EDDM13: variants seen among roughly 807,000 people sequenced by gnomAD.
EDDM13 encodes epididymal protein 13.
EDDM13 carries 24 observed loss-of-function variants against 17.8 expected under a neutral mutation model. The ratio of observed to expected loss-of-function variants is 1.35; its 90% CI spans 0.98 to 1.90. The LOEUF is 1.90. Among genes scored for constraint, EDDM13 ranks in the 40% most tolerant of loss-of-function variants. The probability of loss-of-function intolerance (pLI) is 0.00; values close to 1 mark genes in which losing one functional copy is unlikely to be tolerated. For missense variants in EDDM13, 97 were observed against 100.8 expected (o/e 0.96, Z 0.16); for synonymous variants, 31 against 37.5 (o/e 0.83, Z 0.63).
At chr19:56,285,057 TCTTTCTCTTGTCCGCAAGGTAATG>T in intron 6 of EDDM13, 33 bp downstream of exon 6, 1 of 981,214 alleles carries the variant, frequency 1.0e-6, no homozygotes, top group Non-Finnish European at 1.2e-6. Context: ...TTAAACCTGG[TCTTTCTCTTGTCCGCAAGGTAATG>T]TAGACTTATT....
intron 9 of EDDM13, among the ~76,000 whole-genome samples, chr19:56,291,426 C>G (rs913427843): frequency 5.3e-5 from 8 of 152,204 alleles, no homozygotes; most frequent in African/African-American, 1.9e-4. Context: ...CACCCTGGGC[C>G]CCAGCCTATC....
chr19:56,298,218 T>A (rs959010483), intron 12 of EDDM13: 2 of 152,082 alleles, frequency 1.3e-5, no homozygotes, highest in Non-Finnish European at 2.9e-5. Context: ...TCATAGCAGA[T>A]CTTGCAGGTA....
intron 10 of EDDM13, 100 bp from the exon 11 acceptor site, chr19:56,296,233 CGGA>C (rs1452075872): frequency 1.3e-5 from 2 of 152,402 alleles, no homozygotes; most frequent in African/African-American, 4.8e-5. Flanking sequence ...CAGGGCTTCT[CGGA>C]GGAGGAGTGG....
intron 3 of EDDM13, 122 bp from the exon 4 acceptor site, chr19:56,282,369 G>A (rs2038778677): frequency 9.7e-6 from 4 of 414,074 alleles, no homozygotes; most frequent in Admixed American, 6.4e-5. Context: ...AGGACCTATG[G>A]GGTGCAATGA....
At chr19:56,278,007 G>A (rs2038392996) in intron 2 of EDDM13, among the ~76,000 whole-genome samples, 1 of 151,852 alleles carries the variant, frequency 6.6e-6, no homozygotes, top group African/African-American at 2.4e-5. Flanking sequence ...TAGTAAGAAA[G>A]GTATTATTTT....
intron 2 of EDDM13, among the ~76,000 whole-genome samples, chr19:56,277,761 G>A (rs2038374583): frequency 6.6e-6 from 1 of 151,632 alleles, no homozygotes; most frequent in Non-Finnish European, 1.5e-5. Flanking sequence ...AAGGAAGGAG[G>A]GTGGCAGGGA....
intron 14 of EDDM13, among the ~76,000 whole-genome samples, chr19:56,309,243 A>T (rs186768436): frequency 6.6e-6 from 1 of 152,344 alleles, no homozygotes; most frequent in East Asian, 1.9e-4. Flanking sequence ...AAACAGACAG[A>T]TCTGGCAAAT....
rs191188539 is a variant in EDDM13 at position 56,273,713 on chromosome 19, G to A, written c.85+794G>A. 1.3e-4 allele frequency among the ~76,000 whole-genome samples: 20 copies of A among 152,286 alleles called. No homozygotes were observed. In the East Asian group the frequency reaches 3.5e-3, roughly 26 times the overall value. On this transcript the variant is annotated intron_variant, in intron 1 of 14. Transcript: ENST00000649256. ...CGTGGTAGGCAGAAGGAGGGGCATG[G>A]TGGTGAGACTGTTACAAGTAAGAAG...
intron 6 of EDDM13, among the ~76,000 whole-genome samples, chr19:56,286,848 G>C (rs2039162412): frequency 6.6e-6 from 1 of 152,248 alleles, no homozygotes; most frequent in African/African-American, 2.4e-5. Context: ...ATGCCCGGCA[G>C]AGCGAATGCT....
intron 12 of EDDM13, 132 bp from the exon 13 acceptor site, chr19:56,301,836 A>G (rs2040253980): frequency 9.2e-7 from 1 of 1,092,682 alleles, no homozygotes; most frequent in East Asian, 3.2e-5. Flanking sequence ...GTGGGTGTGG[A>G]CCAAAATTTC....
intron 2 of EDDM13, among the ~76,000 whole-genome samples, chr19:56,277,060 G>A (rs888162770): frequency 2.0e-5 from 3 of 152,270 alleles, no homozygotes; most frequent in African/African-American, 2.4e-5. Flanking sequence ...ACTAACTAAC[G>A]TGGAGAAATC....
chr19:56,301,415 C>T (rs2040220935), intron 12 of EDDM13, among the ~76,000 whole-genome samples: 2 of 152,036 alleles, frequency 1.3e-5, no homozygotes, highest in Admixed American at 6.6e-5. Flanking sequence ...TGTCTCTTAG[C>T]CTGCTAATGC....
rs1600232215 is a variant in EDDM13, at chr19:56,302,024, A to G, written c.352A>G (p.Thr118Ala). 8.1e-7 allele frequency: 1 copy of G among 1,232,040 alleles called. No homozygotes were observed. Among genetic ancestry groups the G allele is most frequent in the East Asian group, 3.2e-5 (1 of 31,690 alleles). The allele number at this position is 1,232,040 out of a possible 1,614,324, so 76.3% of individuals were successfully genotyped here. Residue 118 changes from threonine (T) to alanine (A), a missense_variant, in exon 13 of 15, where the codon ACG becomes GCG. Physicochemically the swap from Thr to Ala is moderately conservative, Grantham distance 58. Coordinates refer to ENST00000649256, the MANE Select transcript of EDDM13 (RefSeq NM_001354658.2). Reference protein sequence around the residue: ...SRKPLPKRKNTWNFLKCAYMV... With the variant: ...SRKPLPKRKNAWNFLKCAYMV... ...GAAACCACTCCCCAAGAGGAAGAAC[A>G]CGTGGAACTTCCTGAAATGCGCCTA...
intron 3 of EDDM13, 134 bp downstream of exon 3, chr19:56,281,832 C>A: frequency 2.9e-6 from 1 of 347,186 alleles, no homozygotes; most frequent in Non-Finnish European, 4.1e-6. Flanking sequence ...GTCCTCAATT[C>A]AAACATGACC....
At chr19:56,309,076 C>T (rs2040873706) in intron 14 of EDDM13, among the ~76,000 whole-genome samples, 1 of 152,178 alleles carries the variant, frequency 6.6e-6, no homozygotes, top group South Asian at 2.1e-4. Flanking sequence ...AAAGGATAAA[C>T]AAAACGTAGT....
chr19:56,292,446 T>C (rs2039573224), intron 9 of EDDM13, among the ~76,000 whole-genome samples: 1 of 151,876 alleles, frequency 6.6e-6, no homozygotes, highest in Non-Finnish European at 1.5e-5. Context: ...TTGGTTTTTT[T>C]GTCTGTTTTT....
intron 12 of EDDM13, among the ~76,000 whole-genome samples, chr19:56,300,579 C>G (rs1024894050): frequency 2.0e-5 from 3 of 152,200 alleles, no homozygotes; most frequent in Non-Finnish European, 4.4e-5. Context: ...CGCAGGCTTA[C>G]TTAGCTTTGA....
chr19:56,285,587 T>C (rs891595919), intron 6 of EDDM13, among the ~76,000 whole-genome samples: 3 of 152,188 alleles, frequency 2.0e-5, no homozygotes, highest in African/African-American at 7.2e-5. Flanking sequence ...CCCCATTGAC[T>C]GGGATTCCTA....
chr19:56,302,443 T>A (rs980222189), intron 13 of EDDM13, among the ~76,000 whole-genome samples: 1 of 133,666 alleles, frequency 7.5e-6, no homozygotes, highest in African/African-American at 2.9e-5. Context: ...TTCCTTCCTT[T>A]CTTCCTCTCT....
Sources: allele counts gnomAD v4.1 joint callset (sites outside exome capture counted in the v4.1 genomes callset), GRCh38; gene constraint gnomAD v4.1.1; transcripts MANE v1.5; gene names NCBI Gene and HGNC (gene_info 2026-07-23, HGNC 2026-07-21).